Variants in ACTN2 observed in about 807,000 individuals in gnomAD.
ACTN2 encodes the protein alpha-actinin-2.
Under a neutral mutation model 113.8 loss-of-function variants are expected in ACTN2, and 39 were observed. The ratio of observed to expected loss-of-function variants is 0.34; its 90% CI spans 0.27 to 0.45. The LOEUF (loss-of-function observed/expected upper bound fraction) is 0.45. ACTN2 is among the 20% of genes least tolerant of loss of function. The probability of loss-of-function intolerance (pLI) is 1.00; values close to 1 mark genes in which losing one functional copy is unlikely to be tolerated. For synonymous variants in ACTN2, 429 were observed against 444.1 expected (o/e 0.97, Z 0.43); for missense variants, 992 against 1,177.9 (o/e 0.84, Z 2.31).
Position 236,731,334 on chromosome 1 carries a change from T to G in ACTN2, c.697+20T>G, listed in dbSNP as rs1036498027. On this transcript the variant is annotated intron_variant, in intron 7 of 20. Transcript: ENST00000366578. ...CTGAAGGTGAGATGAAAATTGTGTT[T>G]GCTGAGTTACAGGAAATTTGAAGAC... 8.7e-6 allele frequency: 14 copies of G among 1,602,952 alleles called. No homozygotes were observed. The highest frequency in any genetic ancestry group is 1.2e-5 in the Non-Finnish European group (14 of 1,169,936).
intron 14 of ACTN2, among the ~76,000 whole-genome samples, chr1:236,750,454 A>G (rs1454871449): frequency 6.6e-6 from 1 of 152,160 alleles, no homozygotes; most frequent in Non-Finnish European, 1.5e-5. Flanking sequence ...TATTTTTGGA[A>G]TAAGTGAGAC....
At chr1:236,689,306 T>C (rs1225192831) in intron 1 of ACTN2, among the ~76,000 whole-genome samples, 1 of 20,010 alleles carries the variant, frequency 5.0e-5, no homozygotes, top group African/African-American at 2.4e-4. Context: ...ATGTGATATA[T>C]ATATATATAT....
chr1:236,713,160 G>A (rs1658087751), intron 1 of ACTN2, among the ~76,000 whole-genome samples: 1 of 151,314 alleles, frequency 6.6e-6, no homozygotes, highest in South Asian at 2.1e-4. Flanking sequence ...ATACTATACA[G>A]CCATAAAAAC....
intron 14 of ACTN2, 106 bp from the exon 15 acceptor site, chr1:236,751,362 ACT>A (rs777165879): frequency 9.0e-6 from 12 of 1,334,830 alleles, no homozygotes; most frequent in Non-Finnish European, 1.3e-5. Flanking sequence ...TTCTCCAGAG[ACT>A]CTTGCAATCA....
intron 4 of ACTN2, among the ~76,000 whole-genome samples, chr1:236,722,470 A>G (rs571069675): frequency 1.3e-5 from 2 of 152,118 alleles, no homozygotes; most frequent in Admixed American, 1.3e-4. Flanking sequence ...TCCCGTCTCT[A>G]CTAAAAATAC....
chr1:236,695,512 C>A (rs1343062417), intron 1 of ACTN2, among the ~76,000 whole-genome samples: 1 of 149,362 alleles, frequency 6.7e-6, no homozygotes, highest in Non-Finnish European at 1.5e-5. Context: ...AAATTTGTCA[C>A]CATATTTATG....
intron 1 of ACTN2, among the ~76,000 whole-genome samples, chr1:236,693,553 G>C (rs143055889): frequency 6.6e-6 from 1 of 152,074 alleles, no homozygotes; most frequent in Non-Finnish European, 1.5e-5. Context: ...TCTTCCAGGC[G>C]CCCAAGCCAG....
intron 20 of ACTN2, 74 bp from the exon 21 acceptor site, chr1:236,762,387 T>C: frequency 6.3e-7 from 1 of 1,580,106 alleles, no homozygotes; most frequent in Non-Finnish European, 8.7e-7. Context: ...ATGCAAGAAA[T>C]ATGTAAGTAT....
chr1:236,738,292 A>G (rs1055568031), intron 9 of ACTN2, among the ~76,000 whole-genome samples: 2 of 152,272 alleles, frequency 1.3e-5, no homozygotes, highest in Non-Finnish European at 2.9e-5. Flanking sequence ...TATTGGCGTG[A>G]GCCACCGCAC....
chr1:236,704,872 T>C (rs1232232567), intron 1 of ACTN2, among the ~76,000 whole-genome samples: 1 of 152,200 alleles, frequency 6.6e-6, no homozygotes, highest in Non-Finnish European at 1.5e-5. Context: ...TGTGATCTAA[T>C]ACTAATAGGC....
chr1:236,746,816 C>T (rs1659252076), intron 12 of ACTN2, among the ~76,000 whole-genome samples: 1 of 152,152 alleles, frequency 6.6e-6, no homozygotes, highest in Non-Finnish European at 1.5e-5. Context: ...TCATTTTGCC[C>T]TTGCTTGTCA....
At chr1:236,693,181 A>G (rs1330996918) in intron 1 of ACTN2, among the ~76,000 whole-genome samples, 49 of 17,942 alleles carry the variant, frequency 2.7e-3, no homozygotes, top group Admixed American at 0.018. Context: ...ACACATGCAC[A>G]CACACACACA....
At chr1:236,737,297 G>GTATGTATATATA in intron 9 of ACTN2, 83 bp downstream of exon 9, 2 of 318,330 alleles carry the variant, frequency 6.3e-6, no homozygotes, top group South Asian at 2.3e-5. Flanking sequence ...CTCCGTGGGG[G>GTATGTATATATA]CATATATATA....
At chr1:236,742,612 C>T (rs1056055775) in intron 10 of ACTN2, among the ~76,000 whole-genome samples, 2 of 152,092 alleles carry the variant, frequency 1.3e-5, no homozygotes, top group African/African-American at 2.4e-5. Flanking sequence ...CTTCTTGTAG[C>T]CAGAAATTGT....
At chr1:236,694,337 C>T (rs1657400068) in intron 1 of ACTN2, among the ~76,000 whole-genome samples, 1 of 151,870 alleles carries the variant, frequency 6.6e-6, no homozygotes, top group Non-Finnish European at 1.5e-5. Context: ...ATTCTCTTGC[C>T]TCAGCCTCCT....
intron 12 of ACTN2, among the ~76,000 whole-genome samples, chr1:236,747,225 G>A (rs1016692396): frequency 6.6e-6 from 1 of 152,230 alleles, no homozygotes; most frequent in Non-Finnish European, 1.5e-5. Flanking sequence ...GTTGGCCAGC[G>A]AAAGTTTTAT....
intron 1 of ACTN2, among the ~76,000 whole-genome samples, chr1:236,701,253 T>G (rs1657664892): frequency 6.6e-6 from 1 of 152,220 alleles, no homozygotes; most frequent in Non-Finnish European, 1.5e-5. Flanking sequence ...CAAGTGACTT[T>G]TTTTTTCCCC....
At chr1:236,744,209 G>A (rs987826842) in intron 11 of ACTN2, among the ~76,000 whole-genome samples, 1 of 152,194 alleles carries the variant, frequency 6.6e-6, no homozygotes, top group Admixed American at 6.5e-5. Flanking sequence ...AAAGGAACTA[G>A]GGTGGGGTAG....
At chr1:236,743,476 A>G (rs541344426) in intron 11 of ACTN2, among the ~76,000 whole-genome samples, 2 of 152,166 alleles carry the variant, frequency 1.3e-5, no homozygotes, top group Non-Finnish European at 2.9e-5. Context: ...GCAAGATATC[A>G]TGTATAATCT....
Sources: allele counts gnomAD v4.1 joint callset (sites outside exome capture counted in the v4.1 genomes callset), GRCh38; gene constraint gnomAD v4.1.1; transcripts MANE v1.5; gene names NCBI Gene and HGNC (gene_info 2026-07-23, HGNC 2026-07-21).